LRRK2: variants seen among roughly 807,000 people sequenced by gnomAD.
The protein encoded by LRRK2 is leucine-rich repeat serine/threonine-protein kinase 2.
Under a neutral mutation model 302.6 loss-of-function variants are expected in LRRK2, and 203 were observed. The observed-to-expected ratio is 0.67, with a 90% CI of 0.60 to 0.75. The LOEUF is 0.75. LRRK2 is among the 30% of genes least tolerant of loss of function. The pLI is 0.00. For missense variants in LRRK2, 2,830 were observed against 2,951.0 expected, an observed-to-expected ratio of 0.96 and a Z score of 0.95; for synonymous variants, 1,066 against 1,031.9, an observed-to-expected ratio of 1.03 and a Z score of -0.63.
chr12:40,307,116 A>G (rs2136803886), intron 28 of LRRK2, among the ~76,000 whole-genome samples: 1 of 151,950 alleles, frequency 6.6e-6, no homozygotes, highest in South Asian at 2.1e-4. Context: ...GAAAAGACAG[A>G]AAGACCTAGA....
Position 40,225,187 on chromosome 12 carries a change from T to C in LRRK2, c.56T>C (p.Leu19Ser). Residue 19 changes from leucine to serine, a missense_variant, in exon 1 of 51, where the codon TTG becomes TCG. By Grantham distance (145) the Leu-to-Ser change is moderately radical. Transcript: ENST00000298910. ...GAGGACGAGGAAACTCTGAAGAAGT[T>C]GATAGTCAGGCTGAACAATGTCCAG... ...CEEDEETLKK[L>S]IVRLNNVQEG... The C allele has an allele frequency of 6.2e-7, 1 of 1,614,108 alleles. No homozygotes were observed. The highest frequency in any genetic ancestry group is 8.5e-7 in the Non-Finnish European group (1 of 1,180,002).
In LRRK2 at chr12:40,259,479, G is replaced by A. The variant is rs778191950; in HGVS notation, c.1419-1G>A. 1 of 1,612,950 alleles carries A rather than the reference G, an allele frequency of 6.2e-7. No individual in the cohort carries two copies. The highest frequency in any genetic ancestry group is 8.5e-7 in the Non-Finnish European group (1 of 1,179,292). On this transcript the variant is annotated splice_acceptor_variant, in intron 12 of 50. Transcript: ENST00000298910. LOFTEE classifies it high-confidence loss of function. ...TAAGCATGCCAATTTTATATCCCCA[G>A]CAACACTTCCCTGGATATAATGGCA...
chr12:40,346,726 T>C, intron 41 of LRRK2, 27 bp from the exon 42 acceptor site: 1 of 1,610,466 alleles, frequency 6.2e-7, no homozygotes. Context: ...GTTGGTCATA[T>C]TTATTATTTT....
chr12:40,271,722 T>A (rs373658972), intron 14 of LRRK2, among the ~76,000 whole-genome samples: 1 of 152,278 alleles, frequency 6.6e-6, no homozygotes, highest in African/African-American at 2.4e-5. Context: ...ATATTAATTT[T>A]TAAACATTTA....
At position 40,298,364 on chromosome 12, in the gene LRRK2, C is replaced by T; in HGVS notation, c.3218C>T (p.Ser1073Leu). The T allele has an allele frequency of 6.2e-7, 1 of 1,613,910 alleles. No homozygotes were observed. Reference sequence around the variant, plus strand: ...GTCTCTCGAAATGACATTGGACCCTCAGTGGTTTTAGATCCTACAGTGAAA... The same window carrying T: ...GTCTCTCGAAATGACATTGGACCCTTAGTGGTTTTAGATCCTACAGTGAAA... ...LDVSRNDIGP[S>L]VVLDPTVKCP... The change falls in exon 24 of 51, where the codon TCA becomes TTA. Residue 1073 changes from serine to leucine, a missense_variant. By Grantham distance (145) the Ser-to-Leu change is moderately radical. Coordinates refer to ENST00000298910, the MANE Select transcript of LRRK2 (RefSeq NM_198578.4).
At chr12:40,356,210 A>G in intron 46 of LRRK2, 23 bp downstream of exon 46, 1 of 1,538,424 alleles carries the variant, frequency 6.5e-7, no homozygotes, top group Non-Finnish European at 8.9e-7. Context: ...TGCATTCTAC[A>G]TCTAAATTTA....
At position 40,310,488 on chromosome 12, in the gene LRRK2, G is replaced by A. The variant is rs200197882; in HGVS notation, c.4375G>A (p.Glu1459Lys). 1.9e-6 allele frequency: 3 copies of A among 1,613,022 alleles called. No individual in the cohort carries two copies. In the African/African-American group the frequency reaches 4.0e-5, roughly 22 times the overall value. The change falls in exon 31 of 51, where the codon GAG (glutamate) becomes AAG (lysine). Residue 1459 changes from glutamate to lysine, a missense_variant. This residue lies in a region of LRRK2 where 2,121 missense variants were observed against 2,148.0 expected (regional missense o/e 0.99). Transcript: ENST00000298910. ...LVGTHLDVSD[E>K]KQRKACMSKI... ...TGGCACACATTTGGATGTTTCTGAT[G>A]AGAAGCAACGCAAAGCCTGCATGAG... is the stretch of plus-strand genomic sequence containing the variant.
intron 50 of LRRK2, chr12:40,367,320 T>C (rs1946909049): frequency 2.2e-6 from 1 of 460,280 alleles, no homozygotes; most frequent in Non-Finnish European, 3.8e-6. Flanking sequence ...TTAAACGAAA[T>C]GTGAATATTT....
intron 43 of LRRK2, among the ~76,000 whole-genome samples, chr12:40,349,233 C>T (rs1180949610): frequency 6.6e-6 from 1 of 152,062 alleles, no homozygotes; most frequent in East Asian, 1.9e-4. Context: ...ATGTGCATAT[C>T]CACGTGTACA....
chr12:40,303,988 C>A lies in LRRK2; in HGVS notation c.3631C>A (p.Leu1211Ile). 1 of 1,613,654 alleles carries A rather than the reference C, an allele frequency of 6.2e-7. No individual in the cohort carries two copies. The highest frequency in any genetic ancestry group is 8.5e-7 in the Non-Finnish European group (1 of 1,179,742). Reference protein sequence around the residue: ...LDMSSNDIQYLPGPAHWKSLN... With the variant: ...LDMSSNDIQYIPGPAHWKSLN... ...TATGAGCAGCAATGATATTCAGTAC[C>A]TACCAGGTCCCGCACACTGGAAATC... Residue 1211 changes from leucine (L) to isoleucine (I), a missense_variant, in exon 27 of 51, where the codon CTA becomes ATA. By Grantham distance (5) the Leu-to-Ile change is conservative (BLOSUM62 2). Coordinates refer to ENST00000298910, the MANE Select transcript of LRRK2 (RefSeq NM_198578.4).
At chr12:40,327,889 A>G (rs1322774465) in intron 38 of LRRK2, among the ~76,000 whole-genome samples, 1 of 152,220 alleles carries the variant, frequency 6.6e-6, no homozygotes, top group East Asian at 1.9e-4. Context: ...GAAGGGCCTC[A>G]AAAAGACTTT....
At chr12:40,294,227 A>G (rs1309355033) in intron 21 of LRRK2, among the ~76,000 whole-genome samples, 3 of 151,772 alleles carry the variant, frequency 2.0e-5, no homozygotes, top group Non-Finnish European at 4.4e-5. Context: ...AAAGTCATTT[A>G]ATTTTTTAGA....
rs942065880 is a variant in LRRK2, at chr12:40,332,604, G to A, written c.5758-2363G>A. Among the ~76,000 whole-genome samples, 11 of 152,186 alleles carry A rather than the reference G, an allele frequency of 7.2e-5. No individual in the cohort carries two copies. In the East Asian group the frequency reaches 1.5e-3, roughly 21 times the overall value. On this transcript the variant is annotated intron_variant, in intron 39 of 50. Coordinates refer to ENST00000298910, the MANE Select transcript of LRRK2 (RefSeq NM_198578.4). ...AGTTATAATATTTTAAGTACTCTGA[G>A]TAATAGAAGATTTCATGTGAGTACA...
chr12:40,282,918 A>G (rs1943768091), intron 18 of LRRK2, among the ~76,000 whole-genome samples: 1 of 152,132 alleles, frequency 6.6e-6, no homozygotes, highest in Non-Finnish European at 1.5e-5. Context: ...CAGGTTTTGA[A>G]GCCAGCAGAT....
chr12:40,332,302 G>T (rs766224508), intron 39 of LRRK2, among the ~76,000 whole-genome samples: 10 of 152,098 alleles, frequency 6.6e-5, no homozygotes, highest in Admixed American at 1.3e-4. Flanking sequence ...GAAAGGAAGG[G>T]GAATATACAC....
chr12:40,318,927 C>T (rs1238960590), intron 33 of LRRK2, among the ~76,000 whole-genome samples: 2 of 151,980 alleles, frequency 1.3e-5, no homozygotes, highest in African/African-American at 4.8e-5. Flanking sequence ...GTTCAATCAA[C>T]CATGCATTCA....
At chr12:40,309,968 G>C (rs17520006) in intron 30 of LRRK2, among the ~76,000 whole-genome samples, 1,747 of 152,220 alleles carry the variant, frequency 0.011, 39 homozygotes, top group African/African-American at 0.04. Flanking sequence ...AGTCATATTT[G>C]CTTGAGTGGC....
chr12:40,361,647 G>A (rs1160729989), intron 47 of LRRK2, among the ~76,000 whole-genome samples: 1 of 152,074 alleles, frequency 6.6e-6, no homozygotes, highest in Non-Finnish European at 1.5e-5. Context: ...AAGATTTGGA[G>A]CATAGATGCT....
At chr12:40,254,866 T>A (rs1423457032) in intron 11 of LRRK2, among the ~76,000 whole-genome samples, 2 of 152,198 alleles carry the variant, frequency 1.3e-5, no homozygotes, top group Non-Finnish European at 2.9e-5. Flanking sequence ...TCTGCCTTAA[T>A]AAAGCATGAA....
Sources: allele counts gnomAD v4.1 joint callset (sites outside exome capture counted in the v4.1 genomes callset), GRCh38; gene constraint gnomAD v4.1.1; regional missense constraint gnomAD v4.1.1; transcripts MANE v1.5; gene names NCBI Gene and HGNC (gene_info 2026-07-23, HGNC 2026-07-21).